C19orf38: variants seen among roughly 807,000 people sequenced by gnomAD.
The protein encoded by C19orf38 is chromosome 19 open reading frame 38.
C19orf38 carries 14 observed loss-of-function variants against 26.6 expected under a neutral mutation model. The observed-to-expected ratio is 0.53, with a 90% CI of 0.35 to 0.82. The LOEUF (loss-of-function observed/expected upper bound fraction) is 0.82, where lower values mean the gene tolerates loss of function less well. Ranked by LOEUF, C19orf38 falls within the 40% of genes least tolerant of loss-of-function variation. The pLI, the probability that C19orf38 is intolerant of heterozygous loss-of-function variation, is 0.01. For missense variants in C19orf38, 261 were observed against 299.5 expected (o/e 0.87, Z 0.95); for synonymous variants, 132 against 128.5 (o/e 1.03, Z -0.18).
chr19:10,869,433 C>T lies in C19orf38; in HGVS notation c.*66C>T. On this transcript the variant is annotated 3_prime_UTR_variant, in exon 7 of 7. Transcript: ENST00000397820. The stretch of plus-strand genomic sequence containing the variant: ...GGGCCTGAGGTCCCTCCAGCTACTT[C>T]TGGGGGGGCTCTGTCAGCCACTTTC... 1 of 1,471,298 alleles carries T rather than the reference C, an allele frequency of 6.8e-7. No individual in the cohort carries two copies. The allele number at this position is 1,471,298 out of a possible 1,614,324, so 91.1% of individuals were successfully genotyped here.
At chr19:10,868,210 C>A (rs1193009079) in intron 6 of C19orf38, among the ~76,000 whole-genome samples, 2 of 152,204 alleles carry the variant, frequency 1.3e-5, no homozygotes, top group East Asian at 3.8e-4. Context: ...TTCCCCATTA[C>A]CTTGCTGAGT....
chr19:10,859,292 ATATG>A (rs1389313567), intron 4 of C19orf38, among the ~76,000 whole-genome samples: 4 of 112,906 alleles, frequency 3.5e-5, no homozygotes, highest in Admixed American at 9.4e-5. Flanking sequence ...GTGTGTGTGT[ATATG>A]TGTGTGTGTG....
At chr19:10,856,139 A>G in intron 2 of C19orf38, 126 bp from the exon 3 acceptor site, 1 of 682,500 alleles carries the variant, frequency 1.5e-6, no homozygotes, top group African/African-American at 1.8e-5. Context: ...AAAGTTTGCT[A>G]AGTCTCTTGG....
intron 2 of C19orf38, among the ~76,000 whole-genome samples, chr19:10,852,127 G>A (rs1264904392): frequency 6.6e-6 from 1 of 151,958 alleles, no homozygotes; most frequent in Non-Finnish European, 1.5e-5. Context: ...ACTCCAGCAT[G>A]GGTGACAGAG....
chr19:10,848,377 C>G, upstream of C19orf38: 1 of 963,980 alleles, frequency 1.0e-6, no homozygotes, highest in Non-Finnish European at 1.6e-6. Flanking sequence ...AACTTCCTGC[C>G]AGTGAGGAAA....
chr19:10,838,287 G>T (rs1023391114), intron 1 of C19orf38, among the ~76,000 whole-genome samples: 1 of 152,136 alleles, frequency 6.6e-6, no homozygotes, highest in African/African-American at 2.4e-5. Context: ...GCGGGTGCCT[G>T]TAGTCCCAGC....
intron 6 of C19orf38, among the ~76,000 whole-genome samples, 174 bp from the exon 7 acceptor site, chr19:10,869,044 G>A (rs189725468): frequency 4.5e-4 from 67 of 149,402 alleles, no homozygotes; most frequent in Middle Eastern, 6.8e-3. Flanking sequence ...CTGGTCCCCA[G>A]TTTAGCAGAG....
intron 6 of C19orf38, among the ~76,000 whole-genome samples, chr19:10,863,894 C>G (rs2073727153): frequency 6.6e-6 from 1 of 152,028 alleles, no homozygotes; most frequent in Non-Finnish European, 1.5e-5. Context: ...GCCTGGGCCA[C>G]AAGAGCAAAA....
chr19:10,840,447 A>T (rs2073470553), intron 1 of C19orf38, among the ~76,000 whole-genome samples: 1 of 152,268 alleles, frequency 6.6e-6, no homozygotes. Flanking sequence ...AGCTGGGATT[A>T]CAGGCACATG....
chr19:10,862,418 T>C (rs977773506), intron 5 of C19orf38, among the ~76,000 whole-genome samples: 4 of 152,054 alleles, frequency 2.6e-5, no homozygotes, highest in African/African-American at 9.7e-5. Flanking sequence ...TTGCCCAGGC[T>C]GGTCTTGAAC....
intron 6 of C19orf38, 120 bp from the exon 7 acceptor site, chr19:10,869,098 G>A (rs2073778734): frequency 1.0e-5 from 13 of 1,295,074 alleles, no homozygotes; most frequent in Non-Finnish European, 1.4e-5. Context: ...GGGTGTGGGT[G>A]GGGGCGGGAT....
At chr19:10,846,884 A>G (rs1373102087), upstream of C19orf38, among the ~76,000 whole-genome samples, 1 of 152,202 alleles carries the variant, frequency 6.6e-6, no homozygotes, top group Admixed American at 6.5e-5. Context: ...AAGTTTTCCC[A>G]GAAGTGCTAT....
intron 1 of C19orf38, among the ~76,000 whole-genome samples, chr19:10,840,830 T>C (rs1425854839): frequency 1.3e-5 from 2 of 152,254 alleles, no homozygotes; most frequent in African/African-American, 4.8e-5. Flanking sequence ...AGACAGGTTT[T>C]TGCCATGTTG....
At chr19:10,861,525 G>A (rs2073698741) in intron 5 of C19orf38, among the ~76,000 whole-genome samples, 1 of 152,146 alleles carries the variant, frequency 6.6e-6, no homozygotes, top group Admixed American at 6.5e-5. Context: ...AACAGCCCGT[G>A]ATGGCACCAG....
rs888526561 is a variant in C19orf38 at position 10,858,181 on chromosome 19, T to C, written c.434-135T>C. 6.2e-6 allele frequency: 5 copies of C among 808,594 alleles called. No individual in the cohort carries two copies. The Admixed American group carries it at 9.8e-5, about 16-fold the overall frequency. The allele number at this position is 808,594 out of a possible 1,614,324, so 50.1% of individuals were successfully genotyped here. ...AGGCAGAGGTTGCAGTGAGCCAAGATTGAGCCACTGCACTCCAGCCTGGGT... is the reference window on the plus strand; with the variant it reads ...AGGCAGAGGTTGCAGTGAGCCAAGACTGAGCCACTGCACTCCAGCCTGGGT... On this transcript the variant is annotated intron_variant, in intron 3 of 6. Coordinates refer to ENST00000397820, the MANE Select transcript of C19orf38 (RefSeq NM_001136482.3).
In C19orf38 at chr19:10,858,226, TAAAAAAAAAAAAA is replaced by T. The variant is rs371026775; in HGVS notation, c.434-76_434-64del. 30 of 321,616 alleles carry T rather than the reference TAAAAAAAAAAAAA, an allele frequency of 9.3e-5. No individual in the cohort carries two copies. In the African/African-American group the frequency reaches 1.7e-3, roughly 18 times the overall value. The allele number at this position is 321,616 out of a possible 1,614,324, so 19.9% of individuals were successfully genotyped here. On this transcript the variant is annotated intron_variant, in intron 3 of 6. Coordinates refer to ENST00000397820, the MANE Select transcript of C19orf38 (RefSeq NM_001136482.3). ...CTGGGTGAAAGAATGAGACTCTGTC[TAAAAAAAAAAAAA>T]AAAAAAAAAAAAACAGAAATTGCCG...
chr19:10,868,145 A>T (rs1000972312), intron 6 of C19orf38, among the ~76,000 whole-genome samples: 3 of 152,160 alleles, frequency 2.0e-5, no homozygotes, highest in Non-Finnish European at 4.4e-5. Context: ...TTGAAGCCTT[A>T]TACTGCTTTG....
chr19:10,844,810 T>C (rs2073503978), upstream of C19orf38, among the ~76,000 whole-genome samples: 5 of 142,702 alleles, frequency 3.5e-5, no homozygotes, highest in South Asian at 1.1e-3. Flanking sequence ...ATTGCGCCAC[T>C]GCACTCCAGC....
chr19:10,838,207 G>A (rs901226282), intron 1 of C19orf38, among the ~76,000 whole-genome samples: 9 of 152,110 alleles, frequency 5.9e-5, no homozygotes, highest in East Asian at 1.9e-4. Context: ...TCAGGAGATC[G>A]AGACTATCCT....
Sources: allele counts gnomAD v4.1 joint callset (sites outside exome capture counted in the v4.1 genomes callset), GRCh38; gene constraint gnomAD v4.1.1; transcripts MANE v1.5; gene names NCBI Gene and HGNC (gene_info 2026-07-23, HGNC 2026-07-21).